Variants in DTNBP1 observed in about 807,000 individuals in gnomAD.
The protein encoded by DTNBP1 is dystrobrevin binding protein 1, also known as dysbindin.
DTNBP1 carries 35 observed loss-of-function variants against 42.8 expected under a neutral mutation model. That is an observed-to-expected ratio of 0.82 (90% CI 0.63 to 1.09). The LOEUF is 1.09. DTNBP1 is among the 50% of genes least tolerant of loss of function. The pLI is 0.00. For synonymous variants in DTNBP1, 171 were observed against 162.2 expected (o/e 1.05, Z -0.41); for missense variants, 457 against 424.2 (o/e 1.08, Z -0.68).
At chr6:15,657,803 G>T (rs562283824) in intron 1 of DTNBP1, among the ~76,000 whole-genome samples, 3 of 152,298 alleles carry the variant, frequency 2.0e-5, no homozygotes, top group African/African-American at 7.2e-5. Flanking sequence ...GCAAAGCATT[G>T]AAGATATTCT....
chr6:15,661,014 A>T (rs1451173027), intron 1 of DTNBP1, among the ~76,000 whole-genome samples: 1 of 152,214 alleles, frequency 6.6e-6, no homozygotes, highest in Non-Finnish European at 1.5e-5. Context: ...GCACGCAAGC[A>T]CACCCATCAG....
intron 7 of DTNBP1, among the ~76,000 whole-genome samples, chr6:15,565,617 T>C (rs925421498): frequency 2.6e-5 from 4 of 152,208 alleles, no homozygotes; most frequent in Non-Finnish European, 5.9e-5. Flanking sequence ...GACATTTATA[T>C]GAAATGTCTA....
chr6:15,549,200 C>T (rs550505209), intron 7 of DTNBP1, among the ~76,000 whole-genome samples: 1 of 152,056 alleles, frequency 6.6e-6, no homozygotes, highest in Non-Finnish European at 1.5e-5. Flanking sequence ...TTAAAGGGAA[C>T]CTGAGACCGG....
At chr6:15,611,346 C>T (rs79692516) in intron 6 of DTNBP1, among the ~76,000 whole-genome samples, 2,643 of 152,198 alleles carry the variant, frequency 0.017, 64 homozygotes, top group East Asian at 0.078. Context: ...AAAACAAATT[C>T]CTTTCCAAAT....
At chr6:15,632,636 A>G (rs1043228945) in intron 4 of DTNBP1, among the ~76,000 whole-genome samples, 2 of 152,254 alleles carry the variant, frequency 1.3e-5, no homozygotes, top group Admixed American at 6.5e-5. Context: ...GGTAGATATC[A>G]GGACAAAGAA....
chr6:15,542,701 T>C (rs1773645969), intron 7 of DTNBP1, among the ~76,000 whole-genome samples: 1 of 152,024 alleles, frequency 6.6e-6, no homozygotes, highest in Admixed American at 6.6e-5. Flanking sequence ...ATTTGCATTT[T>C]TTTCTTTTTA....
chr6:15,662,816 G>C lies in DTNBP1; in HGVS notation c.54C>G (p.Ser18=). Reference sequence around the variant, plus strand: ...TTCGTCGCCCACCGTATACCCACCCGGAGGTGAAATCCTGCTGCACGCTCA... The same window carrying C: ...TTCGTCGCCCACCGTATACCCACCCCGAGGTGAAATCCTGCTGCACGCTCA... The part of the protein sequence containing the change: ...RLLSVQQDFT[S]GLKTLSDKSR... The change falls in exon 1 of 10, where the codon TCC becomes TCG. Residue 18 remains serine, a splice_region_variant and synonymous_variant. Coordinates refer to ENST00000344537, the MANE Select transcript of DTNBP1 (RefSeq NM_032122.5). The C allele has an allele frequency of 1.9e-6, 3 of 1,611,780 alleles. No homozygotes were observed. The highest frequency in any genetic ancestry group is 1.7e-6 in the Non-Finnish European group (2 of 1,179,520).
intron 5 of DTNBP1, among the ~76,000 whole-genome samples, chr6:15,623,795 T>C (rs1313723511): frequency 1.3e-5 from 2 of 152,132 alleles, no homozygotes; most frequent in East Asian, 3.8e-4. Context: ...AGCACTGTGG[T>C]TTTTCACAGA....
intron 3 of DTNBP1, among the ~76,000 whole-genome samples, chr6:15,644,757 CA>C (rs1369155298): frequency 6.6e-6 from 1 of 151,528 alleles, no homozygotes; most frequent in Non-Finnish European, 1.5e-5. Flanking sequence ...CACAACATAC[CA>C]AAACCTCTGA....
intron 5 of DTNBP1, among the ~76,000 whole-genome samples, chr6:15,624,282 C>T (rs1396704597): frequency 6.6e-6 from 1 of 152,160 alleles, no homozygotes. Context: ...GGAGCCAAAC[C>T]CGATCTGTCA....
At chr6:15,600,065 C>G (rs1172877479) in intron 6 of DTNBP1, among the ~76,000 whole-genome samples, 1 of 151,928 alleles carries the variant, frequency 6.6e-6, no homozygotes, top group Non-Finnish European at 1.5e-5. Flanking sequence ...TAAACTCATG[C>G]ATCCCACATA....
At chr6:15,636,880 T>G (rs1760061093) in intron 4 of DTNBP1, among the ~76,000 whole-genome samples, 1 of 152,206 alleles carries the variant, frequency 6.6e-6, no homozygotes, top group Admixed American at 6.5e-5. Context: ...CCCTTAATTT[T>G]TGTGGGCTTA....
chr6:15,598,498 T>A (rs1026213325), intron 6 of DTNBP1, among the ~76,000 whole-genome samples: 1 of 152,228 alleles, frequency 6.6e-6, no homozygotes, highest in African/African-American at 2.4e-5. Context: ...TACTCTTTTA[T>A]AGAACATTCC....
In DTNBP1 at chr6:15,587,542, A is replaced by G; in HGVS notation, c.511+5517T>C. Among the ~76,000 whole-genome samples the G allele has an allele frequency of 6.6e-6, 1 of 152,246 alleles. No individual in the cohort carries two copies. The highest frequency in any genetic ancestry group is 1.9e-4 in the East Asian group (1 of 5,200). ...GCTACACTAGTCAAGGCAGTGTGGC[A>G]CTGGCAATAAGGAACAAAGTTGAGA... On this transcript the variant is annotated intron_variant, in intron 7 of 9. Transcript: ENST00000344537. The surrounding 1 kb of genome is among the most constrained non-coding windows in gnomAD (Gnocchi z 4.1).
At chr6:15,617,146 G>C (rs1022150178) in intron 5 of DTNBP1, among the ~76,000 whole-genome samples, 8 of 152,134 alleles carry the variant, frequency 5.3e-5, no homozygotes, top group African/African-American at 1.9e-4. Context: ...AGGATTGCTT[G>C]AGCCTAGGAG....
At chr6:15,601,996 G>A (rs1003051978) in intron 6 of DTNBP1, among the ~76,000 whole-genome samples, 24 of 152,004 alleles carry the variant, frequency 1.6e-4, no homozygotes, top group African/African-American at 5.8e-4. Context: ...CATTAGCCGG[G>A]CACAATAATT....
rs139834988 is a variant in DTNBP1, at chr6:15,595,767, G to A, written c.489-2686C>T. Among the ~76,000 whole-genome samples the A allele has an allele frequency of 4.9e-3, 741 of 152,272 alleles. 7 individuals are homozygous for A. The highest frequency in any genetic ancestry group is 0.016 in the African/African-American group (676 of 41,536). Reference sequence around the variant, plus strand: ...TGAGGTCACAGAGGCCAAAGACGACGCAGGTTATATTTAGGAAACAGACTT... The same window carrying A: ...TGAGGTCACAGAGGCCAAAGACGACACAGGTTATATTTAGGAAACAGACTT... On this transcript the variant is annotated intron_variant, in intron 6 of 9. Coordinates refer to ENST00000344537, the MANE Select transcript of DTNBP1 (RefSeq NM_032122.5).
intron 6 of DTNBP1, 199 bp downstream of exon 6, chr6:15,615,068 C>T (rs1338692078): frequency 1.3e-6 from 1 of 780,466 alleles, no homozygotes; most frequent in South Asian, 1.5e-5. Flanking sequence ...GTTTTACCTT[C>T]TCCTGAGTTT....
At chr6:15,543,949 G>T (rs541327805) in intron 7 of DTNBP1, among the ~76,000 whole-genome samples, 2 of 152,262 alleles carry the variant, frequency 1.3e-5, no homozygotes, top group East Asian at 1.9e-4. Context: ...CCCCTTCCTT[G>T]TCTGGTGTGC....
Sources: gnomAD v4.1 joint callset for allele counts (sites outside exome capture counted in the v4.1 genomes callset) on GRCh38, gnomAD v4.1.1 for gene constraint, Gnocchi (gnomAD v3.1) non-coding constraint, MANE v1.5 for transcripts, NCBI Gene and HGNC (gene_info 2026-07-23, HGNC 2026-07-21) for gene names.